The following PCDHA2 variants were observed in gnomAD, a reference collection of about 807,000 sequenced individuals.
The protein encoded by PCDHA2 is protocadherin alpha 2.
A neutral mutation model predicts 66.0 loss-of-function variants in PCDHA2; 58 were observed. The observed-to-expected ratio is 0.88, with a 90% confidence interval of 0.71 to 1.09. The LOEUF is 1.09. Among genes scored for constraint, PCDHA2 ranks in the 50% least tolerant of loss-of-function variants. The pLI, the probability that PCDHA2 is intolerant of heterozygous loss-of-function variation, is 0.00. For synonymous variants in PCDHA2, 634 were observed against 554.0 expected, an observed-to-expected ratio of 1.14 and a Z score of -2.03; for missense variants, 1,267 against 1,242.3, an observed-to-expected ratio of 1.02 and a Z score of -0.30.
intron 1 of PCDHA2, chr5:140,811,621 G>A (rs1226393558): frequency 6.6e-6 from 1 of 152,228 alleles, no homozygotes; most frequent in East Asian, 1.9e-4. Context: ...CACCAACGGT[G>A]TAAAAGCGTT....
At chr5:140,888,870 A>G (rs2062015576) in intron 1 of PCDHA2, among the ~76,000 whole-genome samples, 1 of 152,158 alleles carries the variant, frequency 6.6e-6, no homozygotes, top group Non-Finnish European at 1.5e-5. Flanking sequence ...ATGTCTCAAC[A>G]TAAAAATTAA....
At chr5:140,850,588 T>A in intron 1 of PCDHA2, 1 of 1,598,352 alleles carries the variant, frequency 6.3e-7, no homozygotes, top group South Asian at 1.1e-5. Flanking sequence ...GATGTCAACG[T>A]GTACCTGATC....
At chr5:140,877,766 C>T in intron 1 of PCDHA2, 2 of 1,614,186 alleles carry the variant, frequency 1.2e-6, no homozygotes, top group South Asian at 2.2e-5. Flanking sequence ...GAGAGCCCGC[C>T]CAAGACGGAC....
intron 1 of PCDHA2, among the ~76,000 whole-genome samples, chr5:140,965,764 A>G (rs2095932618): frequency 6.6e-6 from 1 of 152,258 alleles, no homozygotes; most frequent in Non-Finnish European, 1.5e-5. Flanking sequence ...AATGGGTCAA[A>G]TAATAGATTT....
rs140331962 is a variant in PCDHA2 at position 140,803,491 on chromosome 5, C to T, written c.2388+6139C>T. ...AGGGTGTGCTCTGGAGAGGGGTTGCCCAAGACCGACCTCATGGCTTTTAGC... is the reference window on the plus strand; with the variant it reads ...AGGGTGTGCTCTGGAGAGGGGTTGCTCAAGACCGACCTCATGGCTTTTAGC... On this transcript the variant is annotated intron_variant, in intron 1 of 3. Coordinates refer to ENST00000526136, the MANE Select transcript of PCDHA2 (RefSeq NM_018905.3). The T allele has an allele frequency of 1.9e-4, 301 of 1,614,110 alleles. No individual in the cohort carries two copies. Among genetic ancestry groups the T allele is most frequent in the Non-Finnish European group, 2.4e-4 (283 of 1,180,048 alleles).
At chr5:140,834,333 T>C (rs781836936) in intron 1 of PCDHA2, 11 of 1,490,244 alleles carry the variant, frequency 7.4e-6, no homozygotes, top group Non-Finnish European at 1.0e-5. Flanking sequence ...AACATTCCTA[T>C]AAATTCGAAG....
intron 1 of PCDHA2, chr5:140,829,904 G>A: frequency 6.2e-7 from 1 of 1,613,978 alleles, no homozygotes; most frequent in Admixed American, 1.7e-5. Flanking sequence ...AGGCTACAAC[G>A]CGTGGCTTTC....
chr5:140,822,855 G>A (rs2150119838), intron 1 of PCDHA2: 1 of 1,614,216 alleles, frequency 6.2e-7, no homozygotes, highest in Non-Finnish European at 8.5e-7. Context: ...CTGTCAAAGA[G>A]GACGCTCCAC....
chr5:140,860,067 T>C (rs2150484600), intron 1 of PCDHA2: 1 of 151,674 alleles, frequency 6.6e-6, no homozygotes, highest in African/African-American at 2.4e-5. Flanking sequence ...GGTGGGAGGA[T>C]GGTTTGAGGC....
rs1289602070 is a variant in PCDHA2, at chr5:140,823,010, T to A, written c.2388+25658T>A. 3 of 1,614,120 alleles carry A rather than the reference T, an allele frequency of 1.9e-6. No homozygotes were observed. In the African/African-American group the frequency reaches 4.0e-5, roughly 22 times the overall value. On this transcript the variant is annotated intron_variant, in intron 1 of 3. Coordinates refer to ENST00000526136, the MANE Select transcript of PCDHA2 (RefSeq NM_018905.3). Reference sequence around the variant, plus strand: ...TACTCGTTGGTGCTGGACAGCGCCCTGGACCGCGAGAGCGTGTCGGTCTAT... The same window carrying A: ...TACTCGTTGGTGCTGGACAGCGCCCAGGACCGCGAGAGCGTGTCGGTCTAT...
At chr5:140,954,807 T>TGAAAATGCTTTAGGCACTTTTGTC (rs2095090008) in intron 1 of PCDHA2, among the ~76,000 whole-genome samples, 1 of 152,248 alleles carries the variant, frequency 6.6e-6, no homozygotes, top group Admixed American at 6.5e-5. Flanking sequence ...TTGCTTTTGT[T>TGAAAATGCTTTAGGCACTTTTGTC]GAAATTGCTT....
At chr5:140,901,329 T>A (rs180738358) in intron 1 of PCDHA2, among the ~76,000 whole-genome samples, 102 of 152,302 alleles carry the variant, frequency 6.7e-4, no homozygotes, top group Admixed American at 1.2e-3. Context: ...TTTCTTGTAG[T>A]CGTTTTATAG....
At chr5:140,870,289 C>G in intron 1 of PCDHA2, 1 of 1,614,214 alleles carries the variant, frequency 6.2e-7, no homozygotes, top group Non-Finnish European at 8.5e-7. Flanking sequence ...TCCCTTCAAG[C>G]TGGTGTCCAC....
chr5:140,808,924 G>A (rs782681008), intron 1 of PCDHA2: 29 of 1,613,574 alleles, frequency 1.8e-5, no homozygotes, highest in Non-Finnish European at 2.4e-5. Flanking sequence ...CAGTGAGCGA[G>A]CTGGTGCCAT....
intron 1 of PCDHA2, among the ~76,000 whole-genome samples, chr5:140,832,065 T>C (rs2150199482): frequency 1.3e-3 from 196 of 152,372 alleles, no homozygotes; most frequent in African/African-American, 4.5e-3. Flanking sequence ...CAATTTAATC[T>C]GAGATGTCTC....
Position 140,803,469 on chromosome 5 carries a change from G to T in PCDHA2, c.2388+6117G>T, listed in dbSNP as rs781860611. 1.9e-6 allele frequency: 3 copies of T among 1,613,994 alleles called. No individual in the cohort carries two copies. The East Asian group carries it at 6.7e-5, about 36-fold the overall frequency. ...ATACTCGCAGCAGAGGCAGCAGAGG[G>T]TGTGCTCTGGAGAGGGGTTGCCCAA... On this transcript the variant is annotated intron_variant, in intron 1 of 3. Transcript: ENST00000526136.
Position 140,849,822 on chromosome 5 carries a change from G to T in PCDHA2, c.2388+52470G>T, listed in dbSNP as rs2150452005. 3.8e-6 allele frequency: 6 copies of T among 1,598,508 alleles called. 1 individual carries two copies. The African/African-American group carries it at 8.1e-5, about 21-fold the overall frequency. ...ACTGTGGGCCACGGCCAGGGTGTCT[G>T]TGGAGGTGGCCGACGTGAACGACAA... On this transcript the variant is annotated intron_variant, in intron 1 of 3. Coordinates refer to ENST00000526136, the MANE Select transcript of PCDHA2 (RefSeq NM_018905.3).
chr5:140,870,090 G>A, intron 1 of PCDHA2: 3 of 1,613,854 alleles, frequency 1.9e-6, no homozygotes, highest in South Asian at 2.2e-5. Flanking sequence ...CTCCCCCAAT[G>A]GCAGGTCACT....
intron 1 of PCDHA2, chr5:140,882,939 G>T: frequency 2.5e-6 from 4 of 1,614,164 alleles, no homozygotes; most frequent in Non-Finnish European, 3.4e-6. Context: ...GAGCTGACTG[G>T]CACAGTTCAG....
Sources: gnomAD v4.1 joint callset for allele counts (sites outside exome capture counted in the v4.1 genomes callset) on GRCh38, gnomAD v4.1.1 for gene constraint, MANE v1.5 for transcripts, NCBI Gene and HGNC (gene_info 2026-07-23, HGNC 2026-07-21) for gene names.